The following GTF2F2 variants were observed in gnomAD, a reference collection of about 807,000 sequenced individuals.
The protein encoded by GTF2F2 is general transcription factor IIF subunit 2, also known as ATP-dependent helicase GTF2F2.
In GTF2F2, 23 loss-of-function variants were observed where a neutral mutation model predicts 42.2. The ratio of observed to expected loss-of-function variants is 0.55; its 90% CI spans 0.39 to 0.77. The LOEUF is 0.77. GTF2F2 is among the 30% of genes least tolerant of loss of function. The pLI, the probability that GTF2F2 is intolerant of heterozygous loss-of-function variation, is 0.00. For missense variants in GTF2F2, 261 were observed against 287.2 expected, an observed-to-expected ratio of 0.91 and a Z score of 0.66; for synonymous variants, 105 against 100.8, an observed-to-expected ratio of 1.04 and a Z score of -0.25.
At chr13:45,146,298 C>T (rs1870191259) in intron 2 of GTF2F2, among the ~76,000 whole-genome samples, 1 of 152,052 alleles carries the variant, frequency 6.6e-6, no homozygotes, top group Non-Finnish European at 1.5e-5. Flanking sequence ...GAGTTCGAAA[C>T]CAGCTGGGGC....
Position 45,252,893 on chromosome 13 carries a change from A to C in GTF2F2, c.409A>C (p.Lys137Gln). 6.6e-7 allele frequency: 1 copy of C among 1,506,116 alleles called. No homozygotes were observed. The highest frequency in any genetic ancestry group is 8.9e-7 in the Non-Finnish European group (1 of 1,126,628). 93.3% of individuals were successfully genotyped at this position (1,506,116 alleles called of 1,614,324 possible). ...CAGATTGCAAATAGAAGAGTCTTCC[A>C]AACCAGTGAGGCTATCACAACAGCT... ...LKRLQIEESS[K>Q]PVRLSQQLDK... Residue 137 changes from lysine to glutamine, a missense_variant, in exon 6 of 8, where the codon AAA becomes CAA. Coordinates refer to ENST00000340473, the MANE Select transcript of GTF2F2 (RefSeq NM_004128.3).
chr13:45,193,975 T>C (rs1341197970), intron 4 of GTF2F2: 2 of 1,614,044 alleles, frequency 1.2e-6, no homozygotes, highest in East Asian at 2.2e-5. Context: ...CTTTATGAAG[T>C]ATTTAAATTG....
intron 7 of GTF2F2, among the ~76,000 whole-genome samples, chr13:45,272,550 C>T (rs969996718): frequency 1.3e-5 from 2 of 151,314 alleles, no homozygotes; most frequent in African/African-American, 4.9e-5. Context: ...CAAGACCAGC[C>T]TGGACAACAT....
chr13:45,207,997 AAGAT>A (rs1459051424), intron 5 of GTF2F2, among the ~76,000 whole-genome samples: 1 of 152,100 alleles, frequency 6.6e-6, no homozygotes, highest in Non-Finnish European at 1.5e-5. Flanking sequence ...TCTCTACAAA[AAGAT>A]AGAAAAATTA....
intron 5 of GTF2F2, among the ~76,000 whole-genome samples, chr13:45,225,283 G>T (rs745611033): frequency 6.6e-6 from 1 of 152,102 alleles, no homozygotes; most frequent in Non-Finnish European, 1.5e-5. Context: ...CCTGATTGCC[G>T]TTTCATCTGT....
chr13:45,137,730 T>C (rs559821493), intron 2 of GTF2F2, among the ~76,000 whole-genome samples: 1 of 152,360 alleles, frequency 6.6e-6, no homozygotes, highest in Admixed American at 6.5e-5. Flanking sequence ...GTGTCACATT[T>C]GCTAAAGTCC....
At chr13:45,274,691 CAGCACTTTGGGAAGCTAA>C (rs1445467401) in intron 7 of GTF2F2, among the ~76,000 whole-genome samples, 1 of 152,076 alleles carries the variant, frequency 6.6e-6, no homozygotes, top group African/African-American at 2.4e-5. Context: ...CTATAACCCC[CAGCACTTTGGGAAGCTAA>C]AGCAGGCAGA....
At chr13:45,132,345 C>T (rs377347783) in intron 1 of GTF2F2, among the ~76,000 whole-genome samples, 2 of 151,768 alleles carry the variant, frequency 1.3e-5, no homozygotes, top group Admixed American at 6.6e-5. Flanking sequence ...TCCAAGCTTA[C>T]GTGGTTGGTA....
chr13:45,200,465 C>T (rs528223411), intron 4 of GTF2F2, among the ~76,000 whole-genome samples: 2 of 152,236 alleles, frequency 1.3e-5, no homozygotes, highest in South Asian at 2.1e-4. Context: ...CCCCACCATA[C>T]CTGGCTAACT....
chr13:45,132,818 A>T (rs1162268889), intron 1 of GTF2F2, among the ~76,000 whole-genome samples: 1 of 151,624 alleles, frequency 6.6e-6, no homozygotes, highest in Non-Finnish European at 1.5e-5. Context: ...GCACAGAGGG[A>T]GGAGGAAGGA....
chr13:45,189,740 C>T (rs1872554407), intron 4 of GTF2F2, among the ~76,000 whole-genome samples: 1 of 151,894 alleles, frequency 6.6e-6, no homozygotes, highest in Non-Finnish European at 1.5e-5. Context: ...TTTTTATTTA[C>T]AATACCATTC....
At chr13:45,182,160 A>G (rs1168949883) in intron 4 of GTF2F2, among the ~76,000 whole-genome samples, 1 of 151,838 alleles carries the variant, frequency 6.6e-6, no homozygotes, top group African/African-American at 2.4e-5. Context: ...AGTGTTGTTT[A>G]TTTGTTTGTT....
chr13:45,169,015 T>A (rs1871461630), intron 4 of GTF2F2, among the ~76,000 whole-genome samples: 1 of 150,144 alleles, frequency 6.7e-6, no homozygotes, highest in Admixed American at 6.7e-5. Flanking sequence ...CCTTCCCTCC[T>A]TCCTTGGTTT....
chr13:45,269,367 A>G (rs1227766077), intron 7 of GTF2F2, among the ~76,000 whole-genome samples: 1 of 152,210 alleles, frequency 6.6e-6, no homozygotes, highest in East Asian at 1.9e-4. Context: ...CAGTGCCAAG[A>G]AAGTGTGGAA....
At position 45,155,345 on chromosome 13, in the gene GTF2F2, T is replaced by C. The variant is rs138954154; in HGVS notation, c.304+3514T>C. Among the ~76,000 whole-genome samples the C allele has an allele frequency of 4.1e-3, 627 of 152,368 alleles. 2 individuals carry two copies. The highest frequency in any genetic ancestry group is 0.017 in the Middle Eastern group (5 of 294). The stretch of plus-strand genomic sequence containing the variant: ...TCAAGTATAGAACTGTACCTGCTTT[T>C]CTAGGCTCTTTGTTTCTTTTTATTA... On this transcript the variant is annotated intron_variant, in intron 4 of 7. Transcript: ENST00000340473.
chr13:45,283,021 A>G (rs1877325192), intron 7 of GTF2F2, among the ~76,000 whole-genome samples: 1 of 152,078 alleles, frequency 6.6e-6, no homozygotes, highest in South Asian at 2.1e-4. Flanking sequence ...TTTTTTTTAT[A>G]TGCTACTGCT....
intron 6 of GTF2F2, 85 bp from the exon 7 acceptor site, chr13:45,267,148 T>TC: frequency 1.9e-6 from 2 of 1,041,118 alleles, no homozygotes; most frequent in South Asian, 3.1e-5. Flanking sequence ...AAACTCTGTC[T>TC]CAAAAAAAAA....
chr13:45,128,822 G>GT (rs2138090424), intron 1 of GTF2F2, among the ~76,000 whole-genome samples: 1 of 151,838 alleles, frequency 6.6e-6, no homozygotes, highest in East Asian at 2.0e-4. Context: ...TCGAACTCCT[G>GT]GCTCAAGTGA....
rs569353423 is a variant in GTF2F2, at chr13:45,131,955, T to C, written c.67-4778T>C. 1.2e-4 allele frequency among the ~76,000 whole-genome samples: 18 copies of C among 144,374 alleles called. No homozygotes were observed. The South Asian group carries it at 3.8e-3, about 30-fold the overall frequency. 94.7% of individuals were successfully genotyped at this position (144,374 alleles called of 152,430 possible). ...GAGAAAAGGTAGAGAAATCAGACAC[T>C]GGGTGGGAAGGATTATTAAGTCTGC... is the stretch of plus-strand genomic sequence containing the variant. On this transcript the variant is annotated intron_variant, in intron 1 of 7. Transcript: ENST00000340473.
Sources: allele counts gnomAD v4.1 joint callset (sites outside exome capture counted in the v4.1 genomes callset), GRCh38; gene constraint gnomAD v4.1.1; transcripts MANE v1.5; gene names NCBI Gene and HGNC (gene_info 2026-07-23, HGNC 2026-07-21).